COL11A1: variants seen among roughly 807,000 people sequenced by gnomAD.
COL11A1 encodes the protein collagen type XI alpha 1 chain, also known as collagen alpha-1(XI) chain.
In COL11A1, 74 loss-of-function variants were observed where a neutral mutation model predicts 265.2. The ratio of observed to expected loss-of-function variants is 0.28; its 90% CI spans 0.23 to 0.34. The LOEUF (loss-of-function observed/expected upper bound fraction) is 0.34, where lower values mean the gene tolerates loss of function less well. Ranked by LOEUF, COL11A1 falls within the 10% of genes least tolerant of loss-of-function variation. The probability of loss-of-function intolerance (pLI) is 1.00; values close to 1 mark genes in which losing one functional copy is unlikely to be tolerated. For synonymous variants in COL11A1, 816 were observed against 727.6 expected, an observed-to-expected ratio of 1.12 and a Z score of -1.96; for missense variants, 2,165 against 2,263.6, an observed-to-expected ratio of 0.96 and a Z score of 0.88.
intron 4 of COL11A1, among the ~76,000 whole-genome samples, chr1:103,070,266 C>T (rs910079499): frequency 6.7e-6 from 1 of 149,770 alleles, no homozygotes; most frequent in Non-Finnish European, 1.5e-5. Context: ...ATGGGTAATT[C>T]TTAAGATCAT....
At chr1:102,914,619 G>A (rs1193965130) in intron 51 of COL11A1, 85 bp downstream of exon 51, 1 of 1,083,158 alleles carries the variant, frequency 9.2e-7, no homozygotes, top group East Asian at 2.5e-5. Flanking sequence ...ATGTTCCAGA[G>A]TCTCAGGATT....
chr1:102,926,048 T>G (rs1468589893), intron 46 of COL11A1, among the ~76,000 whole-genome samples: 1 of 152,120 alleles, frequency 6.6e-6, no homozygotes, highest in Non-Finnish European at 1.5e-5. Flanking sequence ...TTCCAATTAG[T>G]TCAATAAAAA....
At chr1:103,107,678 T>C (rs1025060895) in intron 1 of COL11A1, among the ~76,000 whole-genome samples, 3 of 152,120 alleles carry the variant, frequency 2.0e-5, no homozygotes, top group Non-Finnish European at 4.4e-5. Context: ...TCCCATTAGT[T>C]AGAATCTGAA....
chr1:103,071,931 AT>A (rs934890808), intron 4 of COL11A1, among the ~76,000 whole-genome samples: 7 of 150,418 alleles, frequency 4.7e-5, no homozygotes, highest in South Asian at 2.1e-4. Context: ...ACATCAGCTC[AT>A]TTTTTTTCTA....
chr1:103,068,778 T>C (rs1671347185), intron 4 of COL11A1, among the ~76,000 whole-genome samples: 2 of 151,320 alleles, frequency 1.3e-5, no homozygotes, highest in African/African-American at 2.4e-5. Flanking sequence ...TTTTCTATAT[T>C]AGGAAGAAAA....
chr1:102,944,338 C>T (rs922826525), intron 42 of COL11A1, among the ~76,000 whole-genome samples: 1 of 152,092 alleles, frequency 6.6e-6, no homozygotes, highest in South Asian at 2.1e-4. Context: ...ACTCTTATTA[C>T]CCACTTTATG....
At chr1:102,954,369 G>A (rs1660163974) in intron 41 of COL11A1, among the ~76,000 whole-genome samples, 1 of 152,064 alleles carries the variant, frequency 6.6e-6, no homozygotes, top group African/African-American at 2.4e-5. Flanking sequence ...ATTTTCACTG[G>A]ATGTTTCATA....
intron 42 of COL11A1, among the ~76,000 whole-genome samples, chr1:102,945,723 A>C (rs1307223459): frequency 2.0e-5 from 3 of 152,202 alleles, no homozygotes; most frequent in Non-Finnish European, 4.4e-5. Flanking sequence ...TTTTTAAAAA[A>C]TACAATCATA....
At chr1:103,017,708 T>C (rs1666675638) in intron 11 of COL11A1, 112 bp downstream of exon 11, 3 of 918,774 alleles carry the variant, frequency 3.3e-6, no homozygotes, top group Non-Finnish European at 5.4e-6. Context: ...TCATGCTGCC[T>C]TTACCCCTCC....
chr1:103,090,145 A>ATAAT (rs1042756314), intron 1 of COL11A1, among the ~76,000 whole-genome samples: 2 of 151,614 alleles, frequency 1.3e-5, no homozygotes, highest in African/African-American at 4.8e-5. Flanking sequence ...AAATAAATAA[A>ATAAT]TAATAAAATA....
chr1:102,991,450 A>C (rs1161306863), intron 28 of COL11A1, among the ~76,000 whole-genome samples: 1 of 151,974 alleles, frequency 6.6e-6, no homozygotes, highest in Non-Finnish European at 1.5e-5. Context: ...CACGTGATCT[A>C]GCCCTTCTTC....
chr1:102,932,840 T>C (rs2101184260), intron 46 of COL11A1, among the ~76,000 whole-genome samples: 1 of 152,056 alleles, frequency 6.6e-6, no homozygotes, highest in African/African-American at 2.4e-5. Context: ...ATTTCATTCA[T>C]TTCATCTTCC....
chr1:103,029,302 A>G (rs1018526097), intron 5 of COL11A1, among the ~76,000 whole-genome samples: 6 of 152,074 alleles, frequency 3.9e-5, no homozygotes, highest in African/African-American at 1.4e-4. Flanking sequence ...CTGATGCTCC[A>G]TATTGCACTT....
chr1:103,023,051 C>T (rs957899284), intron 7 of COL11A1, 55 bp from the exon 8 acceptor site: 4 of 1,561,438 alleles, frequency 2.6e-6, no homozygotes, highest in Admixed American at 3.4e-5. Context: ...GTTAGTAAAG[C>T]AAGGTAAGCA....
At position 103,017,802 on chromosome 1, in the gene COL11A1, T is replaced by C; in HGVS notation, c.1413+18A>G. 1.9e-6 allele frequency: 3 copies of C among 1,598,014 alleles called. No individual in the cohort carries two copies. The highest frequency in any genetic ancestry group is 1.7e-6 in the Non-Finnish European group (2 of 1,165,428). On this transcript the variant is annotated intron_variant, in intron 11 of 66. Coordinates refer to ENST00000370096, the MANE Select transcript of COL11A1 (RefSeq NM_001854.4). ...TATGACATGCATTTGTAATGAGATA[T>C]CATGTCCATTCACTTACCCTATCGC...
At position 102,912,717 on chromosome 1, in the gene COL11A1, G is replaced by A. The variant is rs970196589; in HGVS notation, c.4033-505C>T. Among the ~76,000 whole-genome samples the A allele has an allele frequency of 2.6e-5, 4 of 152,210 alleles. No individual in the cohort carries two copies. The South Asian group carries it at 6.2e-4, about 24-fold the overall frequency. On this transcript the variant is annotated intron_variant, in intron 53 of 66. Coordinates refer to ENST00000370096, the MANE Select transcript of COL11A1 (RefSeq NM_001854.4). ...CCTATAATCCCCATGTATCCTGAGA[G>A]GGACCCAGTGGGAGGTAATTGAGTG...
intron 49 of COL11A1, among the ~76,000 whole-genome samples, chr1:102,917,340 G>A (rs975141984): frequency 2.6e-5 from 4 of 151,816 alleles, no homozygotes; most frequent in Non-Finnish European, 4.4e-5. Context: ...ATCAACTCAA[G>A]AAGGATTCAA....
intron 54 of COL11A1, 81 bp downstream of exon 54, chr1:102,912,078 C>T: frequency 8.7e-7 from 1 of 1,149,142 alleles, no homozygotes; most frequent in South Asian, 1.4e-5. Context: ...AACATGCTGC[C>T]TGCAGCTTAC....
intron 24 of COL11A1, among the ~76,000 whole-genome samples, 194 bp from the exon 25 acceptor site, chr1:102,998,557 G>A (rs1380689629): frequency 6.6e-6 from 1 of 151,774 alleles, no homozygotes; most frequent in East Asian, 1.9e-4. Flanking sequence ...AATTTAACAT[G>A]TCAAAGGTAT....
Sources: allele counts gnomAD v4.1 joint callset (sites outside exome capture counted in the v4.1 genomes callset), GRCh38; gene constraint gnomAD v4.1.1; transcripts MANE v1.5; gene names NCBI Gene and HGNC (gene_info 2026-07-23, HGNC 2026-07-21).